The following KLF12 variants were observed in gnomAD, a reference collection of about 807,000 sequenced individuals.
KLF12 encodes the protein KLF transcription factor 12.
KLF12 carries 9 observed loss-of-function variants against 37.8 expected under a neutral mutation model. That is an observed-to-expected ratio of 0.24 (90% confidence interval 0.14 to 0.42). The LOEUF (loss-of-function observed/expected upper bound fraction) is 0.42, where lower values mean the gene tolerates loss of function less well. KLF12 is among the 10% of genes least tolerant of loss of function. The pLI, the probability that KLF12 is intolerant of heterozygous loss-of-function variation, is 1.00. For synonymous variants in KLF12, 208 were observed against 202.1 expected (o/e 1.03, Z -0.25); for missense variants, 411 against 516.0 (o/e 0.80, Z 1.97).
At chr13:73,743,046 G>A (rs1878114194) in intron 6 of KLF12, among the ~76,000 whole-genome samples, 1 of 151,264 alleles carries the variant, frequency 6.6e-6, no homozygotes, top group Non-Finnish European at 1.5e-5. Flanking sequence ...GGAGCCTTTA[G>A]TCTCATCCCT....
chr13:74,014,844 A>G (rs1440175124), intron 1 of KLF12, among the ~76,000 whole-genome samples: 1 of 152,180 alleles, frequency 6.6e-6, no homozygotes. Context: ...TCCTCACAGG[A>G]CCACCAAATT....
chr13:73,774,690 C>T (rs1369140155), intron 5 of KLF12, among the ~76,000 whole-genome samples: 2 of 152,098 alleles, frequency 1.3e-5, no homozygotes, highest in South Asian at 4.1e-4. Context: ...GCAACTTTTA[C>T]ATTCTCAAGT....
At chr13:73,783,186 G>A (rs555288839) in intron 5 of KLF12, among the ~76,000 whole-genome samples, 12 of 151,832 alleles carry the variant, frequency 7.9e-5, no homozygotes, top group Middle Eastern at 7.0e-3. Flanking sequence ...CAACATGCAT[G>A]GAACTGAGGT....
chr13:73,978,275 A>G (rs1234678748), intron 2 of KLF12, among the ~76,000 whole-genome samples: 1 of 152,226 alleles, frequency 6.6e-6, no homozygotes, highest in East Asian at 1.9e-4. Flanking sequence ...TCAGAAAAAA[A>G]AGAGTGTAAA....
chr13:74,152,427 A>G, the KLF12 span, among the ~76,000 whole-genome samples: 56,074 of 152,012 alleles, frequency 0.37, 13,147 homozygotes, highest in East Asian at 0.77. Flanking sequence ...GTACCCCACC[A>G]TATTTGCATA....
intron 1 of KLF12, among the ~76,000 whole-genome samples, chr13:74,126,434 ATT>A (rs924811676): frequency 3.6e-4 from 55 of 152,260 alleles, no homozygotes; most frequent in African/African-American, 1.2e-3. Flanking sequence ...AAGTATTTGT[ATT>A]TTTTGTGTTC....
intron 2 of KLF12, among the ~76,000 whole-genome samples, chr13:73,962,782 T>C (rs1280372337): frequency 6.6e-6 from 1 of 152,198 alleles, no homozygotes; most frequent in Non-Finnish European, 1.5e-5. Context: ...AATTCGATAA[T>C]GCATTTCCTA....
At chr13:73,721,928 G>T (rs1052533436) in intron 6 of KLF12, among the ~76,000 whole-genome samples, 1 of 152,086 alleles carries the variant, frequency 6.6e-6, no homozygotes. Flanking sequence ...TTTGGCAGTG[G>T]TATATGCTAA....
chr13:73,848,425 T>C lies in KLF12; in HGVS notation c.124-2052A>G, dbSNP rs542375986. Among the ~76,000 whole-genome samples the C allele has an allele frequency of 5.3e-4, 80 of 152,048 alleles. 1 individual carries two copies. The South Asian group carries it at 0.015, about 29-fold the overall frequency. The stretch of plus-strand genomic sequence containing the variant: ...AAATTATCTTTGTTTATCACACAAG[T>C]CTACCTCTTGTGGGTATCTTCTTAA... On this transcript the variant is annotated intron_variant, in intron 3 of 7. Transcript: ENST00000377669.
At position 73,695,344 on chromosome 13, in the gene KLF12, T is replaced by A. The variant is rs934409914; in HGVS notation, c.*146A>T. 1 of 737,372 alleles carries A rather than the reference T, an allele frequency of 1.4e-6. No individual in the cohort carries two copies. Among genetic ancestry groups the A allele is most frequent in the South Asian group, 1.9e-5 (1 of 52,146 alleles). 45.7% of individuals were successfully genotyped at this position (737,372 alleles called of 1,614,324 possible). ...GGGGTTACCTTCAGACCAAAAGAAG[T>A]GTGCCTTCTTTTTCCTGCTCTGGTT... On this transcript the variant is annotated 3_prime_UTR_variant, in exon 8 of 8. Transcript: ENST00000377669.
chr13:73,720,271 T>G (rs1258417396), intron 6 of KLF12, among the ~76,000 whole-genome samples: 1 of 152,222 alleles, frequency 6.6e-6, no homozygotes, highest in Non-Finnish European at 1.5e-5. Context: ...CTATGCTTTC[T>G]GAGCAACATG....
chr13:73,826,097 C>T (rs1355166887), intron 4 of KLF12, among the ~76,000 whole-genome samples: 3 of 152,020 alleles, frequency 2.0e-5, no homozygotes, highest in Non-Finnish European at 4.4e-5. Flanking sequence ...CTCATCCTCC[C>T]GAGTAGCTGG....
chr13:74,166,797 C>A, the KLF12 span, among the ~76,000 whole-genome samples: 4 of 152,170 alleles, frequency 2.6e-5, no homozygotes, highest in Non-Finnish European at 5.9e-5. Flanking sequence ...TATTCTTCTG[C>A]ACCTTCTTTA....
At chr13:74,280,374 G>A in the KLF12 span, among the ~76,000 whole-genome samples, 1 of 152,190 alleles carries the variant, frequency 6.6e-6, no homozygotes, top group African/African-American at 2.4e-5. Context: ...CTGGAAACAG[G>A]TTAAACAGTC....
intron 3 of KLF12, among the ~76,000 whole-genome samples, chr13:73,882,063 T>C (rs1444220656): frequency 6.6e-6 from 1 of 152,154 alleles, no homozygotes; most frequent in Non-Finnish European, 1.5e-5. Context: ...GCTCGCTTAA[T>C]ATTGCCTTCC....
At chr13:74,045,460 C>T (rs999626437) in intron 1 of KLF12, among the ~76,000 whole-genome samples, 3 of 151,930 alleles carry the variant, frequency 2.0e-5, no homozygotes, top group Non-Finnish European at 2.9e-5. Context: ...ATTGTCACAG[C>T]CAAGAGGAGT....
the KLF12 span, among the ~76,000 whole-genome samples, chr13:74,162,534 G>T: frequency 3.9e-5 from 6 of 152,264 alleles, no homozygotes; most frequent in African/African-American, 1.4e-4. Context: ...TCTTTTGTCT[G>T]TGTGTGTGTA....
At chr13:73,803,960 A>G (rs1173645896) in intron 5 of KLF12, among the ~76,000 whole-genome samples, 1 of 152,142 alleles carries the variant, frequency 6.6e-6, no homozygotes, top group Non-Finnish European at 1.5e-5. Context: ...CTTAAGACGA[A>G]TATCTGTAGG....
chr13:73,878,472 C>T (rs1886820935), intron 3 of KLF12, among the ~76,000 whole-genome samples: 1 of 152,082 alleles, frequency 6.6e-6, no homozygotes, highest in Non-Finnish European at 1.5e-5. Context: ...AAAGGAAGTA[C>T]AAACTTTCTA....
Sources: gnomAD v4.1 joint callset for allele counts (sites outside exome capture counted in the v4.1 genomes callset) on GRCh38, gnomAD v4.1.1 for gene constraint, MANE v1.5 for transcripts, NCBI Gene and HGNC (gene_info 2026-07-23, HGNC 2026-07-21) for gene names.